Variants in EXOC4 observed in about 807,000 individuals in gnomAD.
EXOC4 encodes exocyst complex component 4, also known as SEC8-like 1.
EXOC4 carries 71 observed loss-of-function variants against 107.2 expected under a neutral mutation model. That is an observed-to-expected ratio of 0.66 (90% CI 0.55 to 0.81). The LOEUF is 0.81. EXOC4 is among the 30% of genes least tolerant of loss of function. EXOC4 has a pLI of 0.00. For synonymous variants in EXOC4, 456 were observed against 441.2 expected (o/e 1.03, Z -0.42); for missense variants, 1,108 against 1,189.6 (o/e 0.93, Z 1.01).
At chr7:133,418,667 A>G (rs1055172033) in intron 7 of EXOC4, among the ~76,000 whole-genome samples, 1 of 152,152 alleles carries the variant, frequency 6.6e-6, no homozygotes, top group East Asian at 1.9e-4. Flanking sequence ...TGTAGCTGTC[A>G]CCCCTAGGGT....
intron 13 of EXOC4, among the ~76,000 whole-genome samples, chr7:133,928,115 A>G (rs1238630908): frequency 6.6e-6 from 1 of 152,174 alleles, no homozygotes; most frequent in East Asian, 1.9e-4. Flanking sequence ...TTTTAGATAT[A>G]ATTATTTAAT....
chr7:133,414,104 A>C (rs1465762563), intron 7 of EXOC4, among the ~76,000 whole-genome samples: 1 of 152,196 alleles, frequency 6.6e-6, no homozygotes, highest in Non-Finnish European at 1.5e-5. Flanking sequence ...AGTATCCAGG[A>C]TTTGAAAGAA....
chr7:133,287,633 G>A (rs973633255), intron 2 of EXOC4, among the ~76,000 whole-genome samples: 2 of 152,168 alleles, frequency 1.3e-5, no homozygotes, highest in East Asian at 1.9e-4. Flanking sequence ...ATTAAGAGAG[G>A]TTACAAGGTC....
chr7:133,889,620 T>A (rs1231555347), intron 11 of EXOC4, among the ~76,000 whole-genome samples: 2 of 119,424 alleles, frequency 1.7e-5, no homozygotes, highest in African/African-American at 6.4e-5. Context: ...CCCCTTCCTG[T>A]GTCCATGTGA....
At chr7:134,091,806 G>T in the EXOC4 span, among the ~76,000 whole-genome samples, 1 of 152,142 alleles carries the variant, frequency 6.6e-6, no homozygotes. Context: ...TTATACAGGG[G>T]CCTATCTTTA....
chr7:133,907,053 A>G (rs970139861), intron 12 of EXOC4, among the ~76,000 whole-genome samples: 1 of 152,194 alleles, frequency 6.6e-6, no homozygotes, highest in South Asian at 2.1e-4. Context: ...TCTGGGAGCA[A>G]GGACCCCCTG....
chr7:133,647,924 G>T (rs1803035022), intron 10 of EXOC4, among the ~76,000 whole-genome samples: 1 of 152,060 alleles, frequency 6.6e-6, no homozygotes, highest in Non-Finnish European at 1.5e-5. Context: ...CCCAGGCCAG[G>T]TCAAGATGAG....
At chr7:134,060,008 A>G (rs1796020140) in intron 17 of EXOC4, among the ~76,000 whole-genome samples, 1 of 152,208 alleles carries the variant, frequency 6.6e-6, no homozygotes, top group African/African-American at 2.4e-5. Context: ...GCAGTGCAAT[A>G]CCATTAAAAT....
chr7:133,257,914 C>T (rs892932349), intron 1 of EXOC4, among the ~76,000 whole-genome samples: 3 of 152,188 alleles, frequency 2.0e-5, no homozygotes, highest in Non-Finnish European at 4.4e-5. Flanking sequence ...CAGGCTTTGA[C>T]CAGGGCTTTG....
At chr7:134,084,461 G>A in the EXOC4 span, among the ~76,000 whole-genome samples, 15 of 152,264 alleles carry the variant, frequency 9.9e-5, no homozygotes, top group Middle Eastern at 3.4e-3. Context: ...GTGACTAGTG[G>A]CACTGAGAAA....
chr7:133,789,488 T>C (rs1213304548), intron 10 of EXOC4, among the ~76,000 whole-genome samples: 1 of 152,154 alleles, frequency 6.6e-6, no homozygotes, highest in Non-Finnish European at 1.5e-5. Context: ...ACTGATGATA[T>C]AGGATTACCA....
At chr7:133,850,069 A>G (rs1269409369) in intron 11 of EXOC4, among the ~76,000 whole-genome samples, 2 of 152,290 alleles carry the variant, frequency 1.3e-5, no homozygotes, top group South Asian at 2.1e-4. Flanking sequence ...TAGAATGTCA[A>G]TTTCTTTGAG....
At chr7:133,497,847 C>T (rs1799506936) in intron 9 of EXOC4, among the ~76,000 whole-genome samples, 1 of 152,062 alleles carries the variant, frequency 6.6e-6, no homozygotes, top group Admixed American at 6.6e-5. Flanking sequence ...ATCTCCTTGC[C>T]CCTCCAGTTC....
At chr7:133,767,902 G>A (rs1278768306) in intron 10 of EXOC4, among the ~76,000 whole-genome samples, 1 of 151,904 alleles carries the variant, frequency 6.6e-6, no homozygotes, top group Non-Finnish European at 1.5e-5. Flanking sequence ...CAACCTCTTT[G>A]AACTCTTAGA....
chr7:133,851,243 AG>A (rs1254765415), intron 11 of EXOC4, among the ~76,000 whole-genome samples: 3 of 152,232 alleles, frequency 2.0e-5, no homozygotes, highest in African/African-American at 7.2e-5. Context: ...CAAGTAAACC[AG>A]GAAACACATA....
At chr7:133,870,677 A>T (rs1225463983) in intron 11 of EXOC4, among the ~76,000 whole-genome samples, 1 of 152,196 alleles carries the variant, frequency 6.6e-6, no homozygotes, top group Non-Finnish European at 1.5e-5. Context: ...TCGCTTAGAG[A>T]GTTGAGGGTA....
At chr7:134,025,136 G>A (rs1028704609) in intron 17 of EXOC4, among the ~76,000 whole-genome samples, 1 of 152,032 alleles carries the variant, frequency 6.6e-6, no homozygotes. Flanking sequence ...AACCCTGATT[G>A]TTACATACAT....
intron 9 of EXOC4, among the ~76,000 whole-genome samples, chr7:133,618,279 C>T: frequency 6.6e-6 from 1 of 150,484 alleles, no homozygotes; most frequent in African/African-American, 2.4e-5. Context: ...AATCTAGTTT[C>T]TGTTTTGCAT....
At chr7:133,325,491 A>G (rs1174785927) in intron 5 of EXOC4, among the ~76,000 whole-genome samples, 1 of 152,174 alleles carries the variant, frequency 6.6e-6, no homozygotes, top group East Asian at 1.9e-4. Context: ...GCTGGATATG[A>G]AATTCTGGGC....
Sources: allele counts gnomAD v4.1 joint callset (sites outside exome capture counted in the v4.1 genomes callset), GRCh38; gene constraint gnomAD v4.1.1; transcripts MANE v1.5; gene names NCBI Gene and HGNC (gene_info 2026-07-23, HGNC 2026-07-21).